Variants in NALF1 observed in about 807,000 individuals in gnomAD.
The protein encoded by NALF1 is family with sequence similarity 155 member A.
NALF1 carries 3 observed loss-of-function variants against 48.4 expected under a neutral mutation model. The observed-to-expected ratio is 0.06, with a 90% confidence interval of 0.03 to 0.16. The LOEUF is 0.16. Among genes scored for constraint, NALF1 ranks in the 10% least tolerant of loss-of-function variants. The pLI, the probability that NALF1 is intolerant of heterozygous loss-of-function variation, is 1.00. For synonymous variants in NALF1, 262 were observed against 245.7 expected (o/e 1.07, Z -0.62); for missense variants, 526 against 571.5 (o/e 0.92, Z 0.81).
intron 1 of NALF1, among the ~76,000 whole-genome samples, chr13:107,435,964 C>T (rs1190317017): frequency 6.6e-6 from 1 of 152,124 alleles, no homozygotes; most frequent in Non-Finnish European, 1.5e-5. Flanking sequence ...CAGCCCAACA[C>T]TGTTGAGAAA....
At chr13:107,494,779 C>G (rs188890407) in intron 1 of NALF1, among the ~76,000 whole-genome samples, 1 of 152,126 alleles carries the variant, frequency 6.6e-6, no homozygotes, top group African/African-American at 2.4e-5. Context: ...AAAGTCTAAA[C>G]GACTGTGTGA....
rs143053287 is a variant in NALF1 at position 107,799,836 on chromosome 13, A to G, written c.915+65846T>C. 6.8e-3 allele frequency among the ~76,000 whole-genome samples: 1,031 copies of G among 152,316 alleles called. 13 individuals carry two copies. Among genetic ancestry groups the G allele is most frequent in the African/African-American group, 0.024 (977 of 41,572 alleles). On this transcript the variant is annotated intron_variant, in intron 1 of 2. Coordinates refer to ENST00000375915, the MANE Select transcript of NALF1 (RefSeq NM_001080396.3). Reference sequence around the variant, plus strand: ...CTTTGTAGAGGAAGGTAAACACAACAGCAATAACAATGACAAAAAATCAGG... The same window carrying G: ...CTTTGTAGAGGAAGGTAAACACAACGGCAATAACAATGACAAAAAATCAGG...
At chr13:107,364,725 T>C (rs1247782825) in intron 1 of NALF1, among the ~76,000 whole-genome samples, 1 of 152,118 alleles carries the variant, frequency 6.6e-6, no homozygotes, top group African/African-American at 2.4e-5. Flanking sequence ...AGTTAAAGGA[T>C]CTTCACTGTA....
chr13:107,828,841 T>C (rs1276826755), intron 1 of NALF1, among the ~76,000 whole-genome samples: 1 of 152,274 alleles, frequency 6.6e-6, no homozygotes, highest in South Asian at 2.1e-4. Flanking sequence ...CCTCAATCTA[T>C]ACAAATAAAA....
intron 2 of NALF1, among the ~76,000 whole-genome samples, chr13:107,186,034 C>T (rs559529985): frequency 6.6e-6 from 1 of 152,152 alleles, no homozygotes; most frequent in East Asian, 1.9e-4. Flanking sequence ...GATCTTATGC[C>T]ATCCTGCTCC....
At chr13:107,776,799 A>T (rs959378775) in intron 1 of NALF1, among the ~76,000 whole-genome samples, 9 of 152,234 alleles carry the variant, frequency 5.9e-5, no homozygotes, top group African/African-American at 2.2e-4. Context: ...TAATAAAAAT[A>T]CTGAAAATTG....
At chr13:107,183,227 T>G (rs1204484863) in intron 2 of NALF1, among the ~76,000 whole-genome samples, 1 of 152,210 alleles carries the variant, frequency 6.6e-6, no homozygotes, top group Non-Finnish European at 1.5e-5. Flanking sequence ...GGCTTGCTTC[T>G]CTTGTCCATG....
At chr13:107,314,689 T>C (rs1566482710) in intron 1 of NALF1, among the ~76,000 whole-genome samples, 1 of 152,166 alleles carries the variant, frequency 6.6e-6, no homozygotes, top group Non-Finnish European at 1.5e-5. Flanking sequence ...GCCACTGAGC[T>C]CATCCCACAG....
Position 107,362,646 on chromosome 13 carries a change from T to C in NALF1, c.916-151891A>G, listed in dbSNP as rs372072718. ...GGCCTTATTTCCAAATAAGGTCACA[T>C]TAACAGATTCTGGGAGTTAGGACCT... is the stretch of plus-strand genomic sequence containing the variant. On this transcript the variant is annotated intron_variant, in intron 1 of 2. Coordinates refer to ENST00000375915, the MANE Select transcript of NALF1 (RefSeq NM_001080396.3). The surrounding 1 kb of genome is among the most constrained non-coding windows in gnomAD (Gnocchi z 4.6). Among the ~76,000 whole-genome samples, 15 of 152,208 alleles carry C rather than the reference T, an allele frequency of 9.9e-5. No homozygotes were observed. Among genetic ancestry groups the C allele is most frequent in the African/African-American group, 3.6e-4 (15 of 41,526 alleles).
chr13:107,579,685 T>TTA (rs1231672363), intron 1 of NALF1, among the ~76,000 whole-genome samples: 8 of 152,176 alleles, frequency 5.3e-5, no homozygotes, highest in Non-Finnish European at 1.0e-4. Context: ...ATTTTTTTTT[T>TTA]ATTATACTTT....
In NALF1 at chr13:107,638,201, A is replaced by ATATATATATATATATGTATGTATG. The variant is rs372122331; in HGVS notation, c.915+227480_915+227481insCATACATACATATATATATATATA. 1.2e-3 allele frequency among the ~76,000 whole-genome samples: 134 copies of ATATATATATATATATGTATGTATG among 110,848 alleles called. 7 individuals carry two copies. The highest frequency in any genetic ancestry group is 1.9e-3 in the Non-Finnish European group (96 of 51,274). 72.7% of individuals were successfully genotyped at this position (110,848 alleles called of 152,430 possible). A position where few individuals can be genotyped will look rare whatever the true frequency, so the allele number is the denominator to read the frequency against. On this transcript the variant is annotated intron_variant, in intron 1 of 2. Transcript: ENST00000375915. The stretch of plus-strand genomic sequence containing the variant: ...TATATAAAGATTTATATATATATAT[A>ATATATATATATATATGTATGTATG]TATATAATTTAAGATGAACATTGGG...
intron 2 of NALF1, among the ~76,000 whole-genome samples, chr13:107,199,698 C>A (rs559313569): frequency 3.9e-5 from 6 of 152,242 alleles, no homozygotes; most frequent in African/African-American, 9.6e-5. Context: ...GCGGTGTGAA[C>A]TCCATTCAGC....
intron 1 of NALF1, among the ~76,000 whole-genome samples, chr13:107,459,300 T>C (rs991412067): frequency 2.0e-5 from 3 of 151,936 alleles, no homozygotes; most frequent in Admixed American, 6.5e-5. Context: ...AAAAGGAAAT[T>C]AAGCGTGTTA....
At position 107,292,137 on chromosome 13, in the gene NALF1, C is replaced by G. The variant is rs540499737; in HGVS notation, c.916-81382G>C. 3.7e-3 allele frequency among the ~76,000 whole-genome samples: 569 copies of G among 152,318 alleles called. 3 individuals carry two copies. The highest frequency in any genetic ancestry group is 0.013 in the African/African-American group (550 of 41,556). On this transcript the variant is annotated intron_variant, in intron 1 of 2. Transcript: ENST00000375915. ...ATTGCTCCTAGGCTACAAACCTGTACAGCATGCTACTGTACTGAATACTAC... is the reference window on the plus strand; with the variant it reads ...ATTGCTCCTAGGCTACAAACCTGTAGAGCATGCTACTGTACTGAATACTAC...
At chr13:107,250,513 A>G (rs545363034) in intron 1 of NALF1, among the ~76,000 whole-genome samples, 1 of 152,318 alleles carries the variant, frequency 6.6e-6, no homozygotes, top group East Asian at 1.9e-4. Context: ...TTTGAATTAC[A>G]GTAACACTGG....
intron 1 of NALF1, among the ~76,000 whole-genome samples, chr13:107,572,326 G>A (rs1043053074): frequency 6.6e-6 from 1 of 152,040 alleles, no homozygotes; most frequent in African/African-American, 2.4e-5. Flanking sequence ...TCTCCATGGA[G>A]CAAACAAAGG....
chr13:107,330,769 G>T (rs1360631569), intron 1 of NALF1, among the ~76,000 whole-genome samples: 1 of 152,154 alleles, frequency 6.6e-6, no homozygotes, highest in African/African-American at 2.4e-5. Context: ...TTCCAAGTGC[G>T]ATCAGTCTAA....
At chr13:107,784,679 C>A (rs1268183352) in intron 1 of NALF1, among the ~76,000 whole-genome samples, 1 of 151,932 alleles carries the variant, frequency 6.6e-6, no homozygotes, top group African/African-American at 2.4e-5. Flanking sequence ...CAGGGAAATG[C>A]AAAATAAAAC....
chr13:107,320,120 A>G (rs1477793296), intron 1 of NALF1, among the ~76,000 whole-genome samples: 1 of 152,132 alleles, frequency 6.6e-6, no homozygotes, highest in Non-Finnish European at 1.5e-5. Context: ...CAGTCTTTTG[A>G]CTTGCTAATT....
Sources: gnomAD v4.1 joint callset for allele counts (sites outside exome capture counted in the v4.1 genomes callset) on GRCh38, gnomAD v4.1.1 for gene constraint, Gnocchi (gnomAD v3.1) non-coding constraint, MANE v1.5 for transcripts, NCBI Gene and HGNC (gene_info 2026-07-23, HGNC 2026-07-21) for gene names.